The following ASAP1 variants were observed in gnomAD, a reference collection of about 807,000 sequenced individuals.
ASAP1 encodes the protein ArfGAP with SH3 domain, ankyrin repeat and PH domain 1, also known as arf-GAP with SH3 domain, ANK repeat and PH domain-containing protein 1.
A neutral mutation model predicts 145.2 loss-of-function variants in ASAP1; 43 were observed. The ratio of observed to expected loss-of-function variants is 0.30; its 90% CI spans 0.23 to 0.38. ASAP1 has a LOEUF of 0.38. Ranked by LOEUF, ASAP1 falls within the 10% of genes least tolerant of loss-of-function variation. The probability of loss-of-function intolerance (pLI) is 1.00; values close to 1 mark genes in which losing one functional copy is unlikely to be tolerated. For missense variants in ASAP1, 1,018 were observed against 1,355.3 expected, an observed-to-expected ratio of 0.75 and a Z score of 3.91; for synonymous variants, 546 against 515.5, an observed-to-expected ratio of 1.06 and a Z score of -0.80.
chr8:130,407,032 T>C (rs1028199244), intron 1 of ASAP1, among the ~76,000 whole-genome samples: 1 of 152,180 alleles, frequency 6.6e-6, no homozygotes, highest in Non-Finnish European at 1.5e-5. Context: ...GGAAAGTACC[T>C]ACCTCATGCA....
At chr8:130,284,886 T>C (rs962955345) in intron 3 of ASAP1, among the ~76,000 whole-genome samples, 56 of 124,358 alleles carry the variant, frequency 4.5e-4, no homozygotes, top group Non-Finnish European at 1.2e-4. Flanking sequence ...CACACCATAC[T>C]GAGAGAGAGA....
chr8:130,244,553 C>A (rs1009964476), intron 3 of ASAP1, among the ~76,000 whole-genome samples: 1 of 152,166 alleles, frequency 6.6e-6, no homozygotes, highest in Non-Finnish European at 1.5e-5. Flanking sequence ...TTTCCCCTCA[C>A]TAGAATTATC....
intron 3 of ASAP1, among the ~76,000 whole-genome samples, chr8:130,283,305 G>A (rs1480913784): frequency 1.3e-5 from 2 of 152,134 alleles, no homozygotes; most frequent in Non-Finnish European, 2.9e-5. Context: ...AAAACACTGG[G>A]TACAGTGGTT....
intron 3 of ASAP1, among the ~76,000 whole-genome samples, chr8:130,349,526 A>C (rs994911775): frequency 9.9e-5 from 15 of 152,226 alleles, no homozygotes; most frequent in African/African-American, 3.6e-4. Flanking sequence ...CCCCATGAGG[A>C]AAGTAGGACA....
rs1036790389 is a variant in ASAP1, at chr8:130,341,589, C to G, written c.186+16428G>C. Among the ~76,000 whole-genome samples, 11 of 152,296 alleles carry G rather than the reference C, an allele frequency of 7.2e-5. No individual in the cohort carries two copies. The South Asian group carries it at 2.1e-3, about 29-fold the overall frequency. On this transcript the variant is annotated intron_variant, in intron 3 of 29. Transcript: ENST00000518721. ...GATCAAAGGATAAAATATGTGTCAA[C>G]AGCCTGGCACCTCTTAAGTAGTCTC...
intron 3 of ASAP1, among the ~76,000 whole-genome samples, chr8:130,274,834 A>G (rs1321581529): frequency 1.3e-5 from 2 of 152,184 alleles, no homozygotes; most frequent in East Asian, 1.9e-4. Context: ...ACAGGATTGG[A>G]TTGGCTCTTA....
At chr8:130,257,483 G>C (rs1819632097) in intron 3 of ASAP1, among the ~76,000 whole-genome samples, 1 of 151,986 alleles carries the variant, frequency 6.6e-6, no homozygotes, top group Non-Finnish European at 1.5e-5. Flanking sequence ...CACTTCATAA[G>C]CTTCTGTTTT....
At chr8:130,082,594 C>A (rs1372406301) in intron 25 of ASAP1, 2 of 151,218 alleles carry the variant, frequency 1.3e-5, no homozygotes, top group Non-Finnish European at 2.9e-5. Flanking sequence ...GCCTTAAACT[C>A]CTGGGCTCAA....
chr8:130,317,338 C>T (rs189720344), intron 3 of ASAP1, among the ~76,000 whole-genome samples: 1 of 152,252 alleles, frequency 6.6e-6, no homozygotes, highest in African/African-American at 2.4e-5. Context: ...CAAAATTGGG[C>T]AAGAGAGAAT....
intron 25 of ASAP1, among the ~76,000 whole-genome samples, chr8:130,082,446 C>T (rs2097482750): frequency 6.6e-6 from 1 of 150,628 alleles, no homozygotes; most frequent in Admixed American, 6.6e-5. Context: ...AACTGATCCT[C>T]CCACCTTGGC....
chr8:130,060,906 CAAATCT>C lies in ASAP1; in HGVS notation c.2859_2864del (p.Asp954_Leu955del), dbSNP rs1201091526. ...GGGGCAGTTCTCCTGGCTTAGGCGGCAAATCTCCAATTTGGGGCTTGGGGGCCAGTT... is the reference window on the plus strand; with the variant it reads ...GGGGCAGTTCTCCTGGCTTAGGCGGCCCAATTTGGGGCTTGGGGGCCAGTT... On this transcript the variant is annotated inframe_deletion, in exon 28 of 30. Coordinates refer to ENST00000518721, the MANE Select transcript of ASAP1 (RefSeq NM_018482.4). 6.2e-7 allele frequency: 1 copy of C among 1,612,036 alleles called. No homozygotes were observed. The highest frequency in any genetic ancestry group is 8.5e-7 in the Non-Finnish European group (1 of 1,178,768).
intron 22 of ASAP1, among the ~76,000 whole-genome samples, chr8:130,116,048 C>G (rs746914266): frequency 2.6e-5 from 4 of 152,178 alleles, no homozygotes; most frequent in African/African-American, 9.7e-5. Context: ...AAGTTTAAGA[C>G]GTAGGCTTTT....
At chr8:130,077,406 C>A (rs575040953) in intron 26 of ASAP1, among the ~76,000 whole-genome samples, 10 of 152,172 alleles carry the variant, frequency 6.6e-5, no homozygotes, top group Non-Finnish European at 1.5e-4. Flanking sequence ...TCAGAGGACA[C>A]CAGGAGGCCT....
chr8:130,054,624 G>C lies in ASAP1; in HGVS notation c.*107C>G. The C allele has an allele frequency of 3.2e-6, 3 of 942,216 alleles. No homozygotes were observed. The highest frequency in any genetic ancestry group is 5.1e-6 in the Non-Finnish European group (3 of 586,876). The allele number at this position is 942,216 out of a possible 1,614,324, so 58.4% of individuals were successfully genotyped here. A position where few individuals can be genotyped will look rare whatever the true frequency, so the allele number is the denominator to read the frequency against. On this transcript the variant is annotated 3_prime_UTR_variant, in exon 30 of 30. Transcript: ENST00000518721. Reference sequence around the variant, plus strand: ...CCCCCTCCTGAGGTGGCCCTTCCATGAGTTTCTTACTCTGTAACAGCAGCT... The same window carrying C: ...CCCCCTCCTGAGGTGGCCCTTCCATCAGTTTCTTACTCTGTAACAGCAGCT...
At chr8:130,145,209 C>T (rs1328733802) in intron 13 of ASAP1, among the ~76,000 whole-genome samples, 2 of 152,146 alleles carry the variant, frequency 1.3e-5, no homozygotes, top group East Asian at 3.8e-4. Context: ...TTTCAGTAGC[C>T]ACTTTACGTC....
chr8:130,258,702 C>T (rs1192370169), intron 3 of ASAP1, among the ~76,000 whole-genome samples: 1 of 152,190 alleles, frequency 6.6e-6, no homozygotes, highest in East Asian at 1.9e-4. Context: ...ATAGTAGGTG[C>T]TCAACAAATA....
intron 15 of ASAP1, among the ~76,000 whole-genome samples, chr8:130,131,081 C>T (rs753649419): frequency 2.0e-5 from 3 of 151,870 alleles, no homozygotes; most frequent in Non-Finnish European, 4.4e-5. Context: ...TGCTTGAACC[C>T]GGGAGGCATA....
intron 3 of ASAP1, among the ~76,000 whole-genome samples, chr8:130,265,975 A>G (rs1263372934): frequency 6.6e-6 from 1 of 152,224 alleles, no homozygotes; most frequent in Admixed American, 6.5e-5. Flanking sequence ...GTAAGCAGTA[A>G]GCATGTGAGG....
At chr8:130,339,742 G>A (rs181984670) in intron 3 of ASAP1, among the ~76,000 whole-genome samples, 2 of 152,292 alleles carry the variant, frequency 1.3e-5, no homozygotes, top group East Asian at 3.9e-4. Context: ...AGTTGGCAGT[G>A]GCTGTAAACT....
Sources: allele counts gnomAD v4.1 joint callset (sites outside exome capture counted in the v4.1 genomes callset), GRCh38; gene constraint gnomAD v4.1.1; transcripts MANE v1.5; gene names NCBI Gene and HGNC (gene_info 2026-07-23, HGNC 2026-07-21).